Variants in BMPR1B observed in about 807,000 individuals in gnomAD.
BMPR1B encodes bone morphogenetic protein receptor type-1B.
A neutral mutation model predicts 59.1 loss-of-function variants in BMPR1B; 12 were observed. The ratio of observed to expected loss-of-function variants is 0.20; its 90% confidence interval spans 0.13 to 0.33. The LOEUF is 0.33. Among genes scored for constraint, BMPR1B ranks in the 10% least tolerant of loss-of-function variants. The pLI is 1.00. For synonymous variants in BMPR1B, 237 were observed against 207.3 expected (o/e 1.14, Z -1.23); for missense variants, 550 against 610.9 (o/e 0.90, Z 1.05).
At chr4:94,956,222 T>C (rs1730136872) in intron 2 of BMPR1B, among the ~76,000 whole-genome samples, 1 of 152,120 alleles carries the variant, frequency 6.6e-6, no homozygotes, top group South Asian at 2.1e-4. Flanking sequence ...CCTGTTTGTT[T>C]CTTTTTTTTA....
intron 10 of BMPR1B, among the ~76,000 whole-genome samples, chr4:95,138,002 C>G (rs562408142): frequency 1.3e-5 from 2 of 152,294 alleles, no homozygotes; most frequent in East Asian, 3.9e-4. Flanking sequence ...TTCCTAGCAT[C>G]GATGGTCTTT....
chr4:95,107,648 A>G (rs764670927), intron 4 of BMPR1B, among the ~76,000 whole-genome samples: 1 of 152,018 alleles, frequency 6.6e-6, no homozygotes, highest in South Asian at 2.1e-4. Flanking sequence ...ATGTAGCACT[A>G]TCTATGTTTG....
chr4:95,047,362 A>C (rs937849469), intron 3 of BMPR1B, among the ~76,000 whole-genome samples: 5 of 152,002 alleles, frequency 3.3e-5, no homozygotes, highest in Non-Finnish European at 7.4e-5. Flanking sequence ...CTTTTTTTAC[A>C]CTTTCCTTGA....
chr4:94,880,274 C>A (rs1207049023), intron 2 of BMPR1B, among the ~76,000 whole-genome samples: 1 of 152,016 alleles, frequency 6.6e-6, no homozygotes, highest in Non-Finnish European at 1.5e-5. Flanking sequence ...GGCAGAACAG[C>A]AAATATGCCC....
At chr4:95,061,365 A>G (rs1421721718) in intron 3 of BMPR1B, among the ~76,000 whole-genome samples, 1 of 152,158 alleles carries the variant, frequency 6.6e-6, no homozygotes, top group Non-Finnish European at 1.5e-5. Context: ...AAGTTTCTGG[A>G]GGAAGCTCAG....
chr4:94,771,275 G>A (rs1722176345), intron 1 of BMPR1B, among the ~76,000 whole-genome samples: 1 of 152,196 alleles, frequency 6.6e-6, no homozygotes, highest in Non-Finnish European at 1.5e-5. Context: ...GTGAGGTTCA[G>A]CCAGTGGTAG....
intron 3 of BMPR1B, among the ~76,000 whole-genome samples, chr4:95,083,860 A>T (rs967043940): frequency 6.6e-6 from 1 of 152,206 alleles, no homozygotes; most frequent in East Asian, 1.9e-4. Flanking sequence ...ATGGTGCAGT[A>T]TTAAACTATA....
chr4:94,978,487 C>G (rs1468452666), intron 2 of BMPR1B, among the ~76,000 whole-genome samples: 4 of 152,170 alleles, frequency 2.6e-5, no homozygotes, highest in Non-Finnish European at 4.4e-5. Flanking sequence ...GCATAGTGTA[C>G]TCTGGATAAG....
intron 2 of BMPR1B, among the ~76,000 whole-genome samples, chr4:94,879,848 GT>G (rs1726887627): frequency 6.6e-6 from 1 of 151,970 alleles, no homozygotes; most frequent in African/African-American, 2.4e-5. Context: ...TTAATACAAA[GT>G]TTGATACTTT....
chr4:94,767,039 G>T (rs1468444615), intron 1 of BMPR1B, among the ~76,000 whole-genome samples: 1 of 152,070 alleles, frequency 6.6e-6, no homozygotes, highest in African/African-American at 2.4e-5. Flanking sequence ...GTGACCTCAG[G>T]TTGCTTCATT....
intron 1 of BMPR1B, among the ~76,000 whole-genome samples, chr4:94,819,907 G>T (rs1449700749): frequency 6.6e-6 from 1 of 152,180 alleles, no homozygotes; most frequent in Non-Finnish European, 1.5e-5. Flanking sequence ...TAATTCAGTT[G>T]TAGTTACAGG....
intron 2 of BMPR1B, among the ~76,000 whole-genome samples, chr4:94,936,367 T>A (rs1291936606): frequency 6.6e-6 from 1 of 152,184 alleles, no homozygotes; most frequent in Non-Finnish European, 1.5e-5. Context: ...AATGGTGTAG[T>A]GGCCAAATAG....
chr4:94,922,678 G>A (rs1051503424), intron 2 of BMPR1B, among the ~76,000 whole-genome samples: 2 of 152,092 alleles, frequency 1.3e-5, no homozygotes, highest in Non-Finnish European at 2.9e-5. Flanking sequence ...ATATTAGTAA[G>A]CATGCACTGA....
intron 1 of BMPR1B, among the ~76,000 whole-genome samples, chr4:94,761,482 G>T (rs907049379): frequency 6.7e-6 from 1 of 149,634 alleles, no homozygotes; most frequent in Admixed American, 6.7e-5. Context: ...TTAGGGAGAA[G>T]AAAAAGGAAG....
At chr4:95,055,099 A>G (rs964385860) in intron 3 of BMPR1B, among the ~76,000 whole-genome samples, 3 of 152,180 alleles carry the variant, frequency 2.0e-5, no homozygotes, top group African/African-American at 7.2e-5. Context: ...CCTTGTGAAT[A>G]CAGGAAAATC....
At chr4:94,762,857 TG>T (rs1331095705) in intron 1 of BMPR1B, among the ~76,000 whole-genome samples, 19 of 132,702 alleles carry the variant, frequency 1.4e-4, no homozygotes, top group African/African-American at 4.8e-4. Flanking sequence ...CATCAGTTTT[TG>T]TTTTTTTTTT....
At chr4:95,062,625 G>T (rs1248316356) in intron 3 of BMPR1B, among the ~76,000 whole-genome samples, 1 of 152,118 alleles carries the variant, frequency 6.6e-6, no homozygotes, top group African/African-American at 2.4e-5. Context: ...GTGATCTGCA[G>T]CTGTACACCT....
At chr4:94,989,887 C>T (rs1721632709) in intron 2 of BMPR1B, among the ~76,000 whole-genome samples, 2 of 152,106 alleles carry the variant, frequency 1.3e-5, no homozygotes, top group African/African-American at 2.4e-5. Flanking sequence ...AGTAAATAGC[C>T]AAATGGCTAA....
Position 95,125,055 on chromosome 4 carries a change from A to G in BMPR1B, c.519A>G (p.Gly173=). 6.2e-7 allele frequency: 1 copy of G among 1,613,838 alleles called. No individual in the cohort carries two copies. Among genetic ancestry groups the G allele is most frequent in the Non-Finnish European group, 8.5e-7 (1 of 1,179,778 alleles). ...LEQDETYIPP[G]ESLRDLIEQS... ...AGGATGAAACTTACATTCCTCCTGG[A>G]GAATCCCTGAGAGACTTAATTGAGC... Residue 173 remains glycine (G), a synonymous_variant, in exon 8 of 13, where the codon GGA becomes GGG. Transcript: ENST00000515059.
Sources: gnomAD v4.1 joint callset for allele counts (sites outside exome capture counted in the v4.1 genomes callset) on GRCh38, gnomAD v4.1.1 for gene constraint, MANE v1.5 for transcripts, NCBI Gene and HGNC (gene_info 2026-07-23, HGNC 2026-07-21) for gene names.